FBXL17: variants seen among roughly 807,000 people sequenced by gnomAD.
The protein encoded by FBXL17 is F-box/LRR-repeat protein 17.
Under a neutral mutation model 66.2 loss-of-function variants are expected in FBXL17, and 22 were observed. The observed-to-expected ratio is 0.33, with a 90% CI of 0.24 to 0.47. FBXL17 has a LOEUF of 0.47. Among genes scored for constraint, FBXL17 ranks in the 20% least tolerant of loss-of-function variants. The pLI, the probability that FBXL17 is intolerant of heterozygous loss-of-function variation, is 1.00. For synonymous variants in FBXL17, 474 were observed against 400.5 expected (o/e 1.18, Z -2.19); for missense variants, 878 against 948.2 (o/e 0.93, Z 0.97).
At chr5:108,101,089 G>T (rs1395705255) in intron 6 of FBXL17, among the ~76,000 whole-genome samples, 4 of 152,208 alleles carry the variant, frequency 2.6e-5, no homozygotes, top group African/African-American at 4.8e-5. Context: ...TTAAATTTCA[G>T]AGAGCTCCCA....
chr5:108,130,046 GGAA>G (rs1284866301), intron 6 of FBXL17, among the ~76,000 whole-genome samples: 1 of 151,608 alleles, frequency 6.6e-6, no homozygotes, highest in Non-Finnish European at 1.5e-5. Flanking sequence ...TTGTTTCAAA[GGAA>G]GAATAATCAT....
chr5:108,264,207 T>A (rs1343625206), intron 4 of FBXL17, among the ~76,000 whole-genome samples: 1 of 120,230 alleles, frequency 8.3e-6, no homozygotes, highest in Non-Finnish European at 1.7e-5. Flanking sequence ...AGAGTGAGAC[T>A]CTTTCTCAAA....
intron 4 of FBXL17, among the ~76,000 whole-genome samples, chr5:108,315,845 G>A (rs1181502925): frequency 2.6e-5 from 4 of 151,366 alleles, no homozygotes; most frequent in African/African-American, 9.7e-5. Flanking sequence ...CATGTCATAA[G>A]TCTATAAAAT....
At position 107,954,798 on chromosome 5, in the gene FBXL17, A is replaced by C. The variant is rs114183029; in HGVS notation, c.1822+66127T>G. Among the ~76,000 whole-genome samples, 851 of 152,328 alleles carry C rather than the reference A, an allele frequency of 5.6e-3. 9 individuals carry two copies. The highest frequency in any genetic ancestry group is 0.02 in the African/African-American group (820 of 41,582). The stretch of plus-strand genomic sequence containing the variant: ...ATTAATATTAGAAAAGTTAGAACAA[A>C]ATTAATAAATATAAAAAGCAGAAGA... On this transcript the variant is annotated intron_variant, in intron 7 of 8. Coordinates refer to ENST00000542267, the MANE Select transcript of FBXL17 (RefSeq NM_001163315.3).
At chr5:107,901,232 T>A (rs924007166) in intron 7 of FBXL17, among the ~76,000 whole-genome samples, 1 of 152,220 alleles carries the variant, frequency 6.6e-6, no homozygotes, top group African/African-American at 2.4e-5. Flanking sequence ...TAGCACAATC[T>A]TACTACTTTA....
intron 5 of FBXL17, among the ~76,000 whole-genome samples, chr5:108,205,974 G>A (rs1236612394): frequency 6.6e-6 from 1 of 152,058 alleles, no homozygotes; most frequent in Non-Finnish European, 1.5e-5. Flanking sequence ...CACCTCAAGA[G>A]TACTTAAGGT....
chr5:108,281,066 A>G (rs919552825), intron 4 of FBXL17, among the ~76,000 whole-genome samples: 1 of 151,958 alleles, frequency 6.6e-6, no homozygotes, highest in Non-Finnish European at 1.5e-5. Flanking sequence ...TAGCAATACA[A>G]TAATAGTGGA....
intron 4 of FBXL17, among the ~76,000 whole-genome samples, chr5:108,251,486 T>A (rs1405188019): frequency 6.6e-6 from 1 of 151,998 alleles, no homozygotes; most frequent in African/African-American, 2.4e-5. Flanking sequence ...ATCAGATGAA[T>A]CAAGTAACAG....
intron 6 of FBXL17, among the ~76,000 whole-genome samples, chr5:108,052,446 C>T (rs1294179520): frequency 6.6e-6 from 1 of 152,142 alleles, no homozygotes; most frequent in Non-Finnish European, 1.5e-5. Flanking sequence ...CTCCCAATCA[C>T]AACTGCAACA....
intron 7 of FBXL17, among the ~76,000 whole-genome samples, chr5:107,895,084 AC>A (rs1425770483): frequency 6.6e-5 from 10 of 152,052 alleles, no homozygotes; most frequent in Admixed American, 2.0e-4. Context: ...GTCTTTTGTA[AC>A]CACAATTCTC....
chr5:108,039,674 G>C (rs529009913), intron 6 of FBXL17, among the ~76,000 whole-genome samples: 2 of 152,166 alleles, frequency 1.3e-5, no homozygotes, highest in East Asian at 3.9e-4. Context: ...CTGGATATCA[G>C]CTCAAGCACA....
chr5:108,088,700 CAAAAAAAAAAAAAAAAAAAAAAA>C (rs57707936), intron 6 of FBXL17, among the ~76,000 whole-genome samples: 3 of 49,300 alleles, frequency 6.1e-5, no homozygotes, highest in African/African-American at 8.7e-5. Flanking sequence ...GACTCTATCT[CAAAAAAAAAAAAAAAAAAAAAAA>C]AAAAAAAAAA....
intron 7 of FBXL17, among the ~76,000 whole-genome samples, chr5:107,990,216 T>C (rs1392194502): frequency 6.6e-6 from 1 of 152,228 alleles, no homozygotes; most frequent in Non-Finnish European, 1.5e-5. Flanking sequence ...GAACTGGGGC[T>C]ATCGCCCTAG....
chr5:108,059,904 G>A (rs535033856), intron 6 of FBXL17, among the ~76,000 whole-genome samples: 4 of 151,502 alleles, frequency 2.6e-5, no homozygotes, highest in South Asian at 2.1e-4. Flanking sequence ...ATTTTAAAGC[G>A]GTTTTTCTAG....
chr5:108,042,129 A>T lies in FBXL17; in HGVS notation c.1746-21128T>A, dbSNP rs138402359. 4.7e-3 allele frequency among the ~76,000 whole-genome samples: 716 copies of T among 152,312 alleles called. 8 individuals carry two copies. Among genetic ancestry groups the T allele is most frequent in the African/African-American group, 0.017 (695 of 41,576 alleles). On this transcript the variant is annotated intron_variant, in intron 6 of 8. Transcript: ENST00000542267. Reference sequence around the variant, plus strand: ...AGGCTGGTCTCGAACTCCTGACCTCAGGTGATCTGCCTCCGTGGCCTCCCA... The same window carrying T: ...AGGCTGGTCTCGAACTCCTGACCTCTGGTGATCTGCCTCCGTGGCCTCCCA...
chr5:107,978,260 T>C (rs1405622371), intron 7 of FBXL17, among the ~76,000 whole-genome samples: 1 of 151,928 alleles, frequency 6.6e-6, no homozygotes, highest in Non-Finnish European at 1.5e-5. Context: ...GCTAAGCTAA[T>C]AATGGGAGGA....
At chr5:108,327,129 TGCTATTCAGCAATAAAAAA>T (rs766418965) in intron 4 of FBXL17, among the ~76,000 whole-genome samples, 45 of 152,352 alleles carry the variant, frequency 3.0e-4, no homozygotes, top group Non-Finnish European at 2.1e-4. Context: ...TACAATGGAA[TGCTATTCAGCAATAAAAAA>T]GCAATAAACT....
At chr5:108,366,075 A>C (rs1462086279) in intron 2 of FBXL17, among the ~76,000 whole-genome samples, 3 of 152,124 alleles carry the variant, frequency 2.0e-5, no homozygotes, top group Non-Finnish European at 4.4e-5. Context: ...ACAGCGTGTA[A>C]GTTTTTAATC....
At chr5:108,163,399 C>CTTTT (rs764052812) in intron 6 of FBXL17, among the ~76,000 whole-genome samples, 52 of 129,544 alleles carry the variant, frequency 4.0e-4, no homozygotes, top group African/African-American at 9.3e-4. Context: ...TTTTTTTTTT[C>CTTTT]TTTTTTTTTT....
Sources: gnomAD v4.1 joint callset for allele counts (sites outside exome capture counted in the v4.1 genomes callset) on GRCh38, gnomAD v4.1.1 for gene constraint, MANE v1.5 for transcripts, NCBI Gene and HGNC (gene_info 2026-07-23, HGNC 2026-07-21) for gene names.